LCOR: variants seen among roughly 807,000 people sequenced by gnomAD.
LCOR encodes the protein ligand dependent nuclear receptor corepressor.
In LCOR, 14 loss-of-function variants were observed where a neutral mutation model predicts 64.4. The observed-to-expected ratio is 0.22, with a 90% CI of 0.14 to 0.34. The LOEUF (loss-of-function observed/expected upper bound fraction) is 0.34, where lower values mean the gene tolerates loss of function less well. LCOR is among the 10% of genes least tolerant of loss of function. LCOR has a pLI of 1.00. For missense variants in LCOR, 1,686 were observed against 1,765.3 expected (o/e 0.96, Z 0.80); for synonymous variants, 643 against 642.5 (o/e 1.00, Z -0.01).
intron 2 of LCOR, among the ~76,000 whole-genome samples, chr10:96,843,207 C>T (rs1446932023): frequency 1.3e-5 from 2 of 152,190 alleles, no homozygotes; most frequent in Non-Finnish European, 2.9e-5. Context: ...TCACTGTAAA[C>T]TCAAACTCCT....
chr10:96,835,202 G>T (rs1378405219), intron 2 of LCOR, among the ~76,000 whole-genome samples: 1 of 114,264 alleles, frequency 8.8e-6, no homozygotes, highest in African/African-American at 4.4e-5. Context: ...GTGCCCGGCC[G>T]TGTTTTTGGT....
intron 2 of LCOR, among the ~76,000 whole-genome samples, chr10:96,886,017 A>G (rs1301115724): frequency 2.0e-5 from 3 of 152,180 alleles, no homozygotes; most frequent in African/African-American, 7.2e-5. Context: ...AGCTGGGACT[A>G]CGGGCATGCG....
intron 7 of LCOR, among the ~76,000 whole-genome samples, chr10:96,975,350 CCT>C (rs1848029567): frequency 6.6e-6 from 1 of 151,886 alleles, no homozygotes; most frequent in Non-Finnish European, 1.5e-5. Flanking sequence ...CATGTGAAGG[CCT>C]CTCAGATCGA....
chr10:96,866,172 G>A (rs747637846), intron 2 of LCOR, among the ~76,000 whole-genome samples: 2 of 152,038 alleles, frequency 1.3e-5, no homozygotes, highest in East Asian at 1.9e-4. Flanking sequence ...CATTTAAAGC[G>A]TTGTACAATT....
chr10:96,837,695 A>G (rs1845471148), intron 2 of LCOR, among the ~76,000 whole-genome samples: 1 of 152,198 alleles, frequency 6.6e-6, no homozygotes, highest in Admixed American at 6.5e-5. Context: ...GGATTGACAG[A>G]TTATCATCCT....
chr10:96,845,714 G>T (rs1389084789), intron 2 of LCOR, among the ~76,000 whole-genome samples: 8 of 150,934 alleles, frequency 5.3e-5, no homozygotes, highest in African/African-American at 1.9e-4. Flanking sequence ...TGATCTACCC[G>T]CCTCGGCCTC....
chr10:96,953,274 G>A lies in LCOR; in HGVS notation c.332+1078G>A, dbSNP rs1219507282. Among the ~76,000 whole-genome samples the A allele has an allele frequency of 4.0e-5, 6 of 151,856 alleles. 1 individual carries two copies. The highest frequency in any genetic ancestry group is 1.9e-4 in the East Asian group (1 of 5,188). On this transcript the variant is annotated intron_variant, in intron 7 of 7. Coordinates refer to ENST00000421806, the MANE Select transcript of LCOR (RefSeq NM_001346516.2). ...TTATATATCAAAAAATACTTGAGCC[G>A]GGCGTGGTGGCTCAGGCCTGTAATC...
chr10:96,833,018 C>A, intron 1 of LCOR: 1 of 985,470 alleles, frequency 1.0e-6, no homozygotes, highest in Non-Finnish European at 1.2e-6. Flanking sequence ...CCCGGGTGCG[C>A]CTGACCGAGC....
In LCOR at chr10:96,936,285, A is replaced by G. The variant is rs185613516; in HGVS notation, c.-183-7828A>G. ...GCAGTACTTAGAGGATGTGTGTTTA[A>G]AAAGCATATCTCAAATCAATACCCT... On this transcript the variant is annotated intron_variant, in intron 4 of 7. Transcript: ENST00000421806. Among the ~76,000 whole-genome samples, 133 of 152,380 alleles carry G rather than the reference A, an allele frequency of 8.7e-4. 1 individual carries two copies. In the East Asian group the frequency reaches 0.019, roughly 22 times the overall value.
In LCOR at chr10:96,855,337, C is replaced by T. The variant is rs569131599; in HGVS notation, c.-330+21858C>T. Reference sequence around the variant, plus strand: ...ATGCTCTAAAAAAACTTACTCGAGCCGATAATTACCTTTTTTGCTCAAGCC... The same window carrying T: ...ATGCTCTAAAAAAACTTACTCGAGCTGATAATTACCTTTTTTGCTCAAGCC... On this transcript the variant is annotated intron_variant, in intron 2 of 7. Coordinates refer to ENST00000421806, the MANE Select transcript of LCOR (RefSeq NM_001346516.2). Among the ~76,000 whole-genome samples, 28 of 147,326 alleles carry T rather than the reference C, an allele frequency of 1.9e-4. No individual in the cohort carries two copies. The South Asian group carries it at 5.0e-3, about 26-fold the overall frequency.
intron 7 of LCOR, among the ~76,000 whole-genome samples, chr10:96,967,072 C>T (rs1330389916): frequency 2.6e-5 from 4 of 152,172 alleles, no homozygotes; most frequent in Non-Finnish European, 4.4e-5. Context: ...AAGAATACTA[C>T]TGTTTCTTGA....
intron 2 of LCOR, among the ~76,000 whole-genome samples, chr10:96,870,118 G>A (rs1846047583): frequency 6.6e-6 from 1 of 152,068 alleles, no homozygotes; most frequent in Non-Finnish European, 1.5e-5. Flanking sequence ...GCAGTGGCAC[G>A]TTCTCGGCTC....
intron 2 of LCOR, among the ~76,000 whole-genome samples, chr10:96,839,831 G>A (rs1319493235): frequency 2.6e-5 from 4 of 151,998 alleles, no homozygotes; most frequent in South Asian, 2.1e-4. Context: ...TATTACAGGC[G>A]GGTGGCACCA....
intron 7 of LCOR, chr10:96,956,560 A>G: frequency 2.0e-6 from 2 of 985,762 alleles, no homozygotes; most frequent in Non-Finnish European, 2.4e-6. Flanking sequence ...TTAGCAAGCT[A>G]TTAGTGCTCA....
intron 2 of LCOR, among the ~76,000 whole-genome samples, chr10:96,883,961 G>A (rs918001747): frequency 5.3e-5 from 8 of 152,078 alleles, no homozygotes; most frequent in African/African-American, 1.9e-4. Context: ...CAGTGATATA[G>A]ATAGCTCACA....
At chr10:96,886,020 G>A (rs1333197021) in intron 2 of LCOR, among the ~76,000 whole-genome samples, 1 of 152,114 alleles carries the variant, frequency 6.6e-6, no homozygotes, top group Non-Finnish European at 1.5e-5. Flanking sequence ...TGGGACTACG[G>A]GCATGCGCCA....
chr10:96,981,036 T>C lies in LCOR; in HGVS notation c.576T>C (p.Ala192=), dbSNP rs891389287. The C allele has an allele frequency of 5.7e-6, 4 of 702,922 alleles. No individual in the cohort carries two copies. The highest frequency in any genetic ancestry group is 5.2e-5 in the African/African-American group (3 of 57,270). The allele number at this position is 702,922 out of a possible 1,614,324, so 43.5% of individuals were successfully genotyped here. ...QLSTKHKEKD[A]LCLDMKSSAS... ...GCACCAAACATAAGGAAAAAGATGC[T>C]CTGTGTCTCGATATGAAGTCTTCTG... Residue 192 remains alanine, a synonymous_variant, in exon 8 of 8, where the codon GCT becomes GCC. Transcript: ENST00000421806.
intron 7 of LCOR, among the ~76,000 whole-genome samples, chr10:96,976,654 A>G (rs911913138): frequency 6.6e-6 from 1 of 152,230 alleles, no homozygotes; most frequent in African/African-American, 2.4e-5. Flanking sequence ...AGAGTCTCAC[A>G]ATCATGAAGG....
chr10:96,876,876 G>A (rs1456599433), intron 2 of LCOR, among the ~76,000 whole-genome samples: 2 of 152,098 alleles, frequency 1.3e-5, no homozygotes, highest in African/African-American at 4.8e-5. Flanking sequence ...TGTATTTTTA[G>A]TAGAGACAGG....
Sources: allele counts gnomAD v4.1 joint callset (sites outside exome capture counted in the v4.1 genomes callset), GRCh38; gene constraint gnomAD v4.1.1; transcripts MANE v1.5; gene names NCBI Gene and HGNC (gene_info 2026-07-23, HGNC 2026-07-21).